The following SYN2 variants were observed in gnomAD, a reference collection of about 807,000 sequenced individuals.
The protein encoded by SYN2 is synapsin II.
Under a neutral mutation model 50.9 loss-of-function variants are expected in SYN2, and 19 were observed. That is an observed-to-expected ratio of 0.37 (90% CI 0.26 to 0.55). The LOEUF (loss-of-function observed/expected upper bound fraction) is 0.55. Among genes scored for constraint, SYN2 ranks in the 20% least tolerant of loss-of-function variants. The pLI, the probability that SYN2 is intolerant of heterozygous loss-of-function variation, is 0.81. For synonymous variants in SYN2, 255 were observed against 224.9 expected, an observed-to-expected ratio of 1.13 and a Z score of -1.20; for missense variants, 587 against 576.4, an observed-to-expected ratio of 1.02 and a Z score of -0.19.
rs148390234 is a variant in SYN2, at chr3:12,173,734, T to A, written c.1308+3828T>A. ...TTCGAGACCAGCCTGGCCAATATGG[T>A]GAAACCCCGTCTCTACTAAAAATAC... On this transcript the variant is annotated intron_variant, in intron 10 of 12. Transcript: ENST00000621198. 3.5e-3 allele frequency among the ~76,000 whole-genome samples: 535 copies of A among 152,030 alleles called. 3 individuals are homozygous for A. The highest frequency in any genetic ancestry group is 0.012 in the African/African-American group (501 of 41,466).
intron 1 of SYN2, among the ~76,000 whole-genome samples, chr3:12,125,339 G>T (rs1696647882): frequency 6.6e-6 from 1 of 152,166 alleles, no homozygotes; most frequent in Admixed American, 6.5e-5. Context: ...CCACAGTAAG[G>T]CATAATATAA....
intron 1 of SYN2, among the ~76,000 whole-genome samples, chr3:12,056,051 A>G (rs1168343255): frequency 6.6e-6 from 1 of 152,196 alleles, no homozygotes; most frequent in Non-Finnish European, 1.5e-5. Flanking sequence ...ACTATGGGAA[A>G]TTCTACATAT....
chr3:12,073,164 A>G (rs1156591635), intron 1 of SYN2, among the ~76,000 whole-genome samples: 1 of 152,152 alleles, frequency 6.6e-6, no homozygotes, highest in Non-Finnish European at 1.5e-5. Flanking sequence ...CCTTAGTTCT[A>G]CATGTTTTCA....
intron 7 of SYN2, among the ~76,000 whole-genome samples, chr3:12,165,983 C>G (rs1382040730): frequency 6.6e-6 from 1 of 152,144 alleles, no homozygotes; most frequent in Non-Finnish European, 1.5e-5. Context: ...GAGTCTTACT[C>G]TTATCTGTCA....
intron 1 of SYN2, among the ~76,000 whole-genome samples, chr3:12,081,100 CAAT>C (rs1695578528): frequency 6.6e-6 from 1 of 152,234 alleles, no homozygotes; most frequent in Non-Finnish European, 1.5e-5. Context: ...CAGTAAACAA[CAAT>C]GTTTAGTCAA....
chr3:12,160,589 A>G (rs888743376), intron 5 of SYN2, among the ~76,000 whole-genome samples: 1 of 152,210 alleles, frequency 6.6e-6, no homozygotes, highest in African/African-American at 2.4e-5. Flanking sequence ...TCTTCATACA[A>G]TGTTCAGACC....
intron 1 of SYN2, among the ~76,000 whole-genome samples, chr3:12,028,571 A>G (rs1166095203): frequency 6.8e-6 from 1 of 147,162 alleles, no homozygotes; most frequent in Non-Finnish European, 1.5e-5. Context: ...TGCCATTCTA[A>G]CTGGTGTGAG....
intron 1 of SYN2, among the ~76,000 whole-genome samples, chr3:12,140,296 A>G (rs898936235): frequency 6.6e-6 from 1 of 152,236 alleles, no homozygotes; most frequent in South Asian, 2.1e-4. Flanking sequence ...CGAAGGATCA[A>G]GGAAAATAAG....
chr3:12,124,977 A>G (rs1032836994), intron 1 of SYN2, among the ~76,000 whole-genome samples: 1 of 152,180 alleles, frequency 6.6e-6, no homozygotes, highest in Non-Finnish European at 1.5e-5. Flanking sequence ...ATGACAAATA[A>G]TGAAATTAAG....
rs1574962446 is a variant in SYN2, at chr3:12,140,705, A to G, written c.432A>G (p.Glu144=). ...TTGGAGATTATGATATCAAGGTGGAACAGGTAATCAGCCTGAAGCCCAGAG... is the reference window on the plus strand; with the variant it reads ...TTGGAGATTATGATATCAAGGTGGAGCAGGTAATCAGCCTGAAGCCCAGAG... ...KVLGDYDIKV[E]QAEFSELNLV... Residue 144 remains glutamate, a synonymous_variant, in exon 2 of 13, where the codon GAA becomes GAG. Coordinates refer to ENST00000621198, the MANE Select transcript of SYN2 (RefSeq NM_133625.6). 1 of 759,734 alleles carries G rather than the reference A, an allele frequency of 1.3e-6. No individual in the cohort carries two copies. The highest frequency in any genetic ancestry group is 1.7e-5 in the African/African-American group (1 of 58,914). 47.1% of individuals were successfully genotyped at this position (759,734 alleles called of 1,614,324 possible).
rs1266190684 is a variant in SYN2 at position 12,004,537 on chromosome 3, A to G, written c.-15A>G. ...AGACCCCGTAGCCCCGCGCGCCCCCAGCCCTTTAAGCCAGATGATGAACTT... is the reference window on the plus strand; with the variant it reads ...AGACCCCGTAGCCCCGCGCGCCCCCGGCCCTTTAAGCCAGATGATGAACTT... On this transcript the variant is annotated 5_prime_UTR_variant, in exon 1 of 13. Transcript: ENST00000621198. The G allele has an allele frequency of 1.6e-6, 1 of 619,412 alleles. No individual in the cohort carries two copies. Among genetic ancestry groups the G allele is most frequent in the Non-Finnish European group, 3.0e-6 (1 of 333,040 alleles). The allele number at this position is 619,412 out of a possible 1,614,324, so 38.4% of individuals were successfully genotyped here.
chr3:12,172,889 A>G (rs1344182905), intron 10 of SYN2, among the ~76,000 whole-genome samples: 2 of 152,230 alleles, frequency 1.3e-5, no homozygotes, highest in African/African-American at 2.4e-5. Context: ...TGATTAAGTT[A>G]ATATAGTAAA....
intron 11 of SYN2, chr3:12,183,714 A>T (rs1327336328): frequency 8.1e-7 from 1 of 1,228,600 alleles, no homozygotes; most frequent in Non-Finnish European, 1.0e-6. Flanking sequence ...GCCTCTCCCA[A>T]GTCCAGTGTG....
At chr3:12,079,549 A>G (rs964184647) in intron 1 of SYN2, among the ~76,000 whole-genome samples, 7 of 152,146 alleles carry the variant, frequency 4.6e-5, no homozygotes, top group Admixed American at 3.3e-4. Context: ...TTCTGCATCT[A>G]TTGAGATAAT....
At chr3:12,178,759 T>G (rs1698148707) in intron 10 of SYN2, among the ~76,000 whole-genome samples, 1 of 152,240 alleles carries the variant, frequency 6.6e-6, no homozygotes, top group African/African-American at 2.4e-5. Context: ...CCTAACACTT[T>G]ACAGTTTACA....
intron 1 of SYN2, among the ~76,000 whole-genome samples, chr3:12,085,167 G>T (rs307572): frequency 0.86 from 129,740 of 151,692 alleles, 55,504 homozygotes; most frequent in South Asian, 0.87. Flanking sequence ...AAGGACACAT[G>T]TAGACTCAAA....
intron 5 of SYN2, among the ~76,000 whole-genome samples, chr3:12,158,108 C>T (rs1697512064): frequency 6.6e-6 from 1 of 152,158 alleles, no homozygotes; most frequent in South Asian, 2.1e-4. Flanking sequence ...AACAGCACAG[C>T]ATAGTAGGAG....
intron 1 of SYN2, among the ~76,000 whole-genome samples, chr3:12,099,005 CAAG>C (rs1189223821): frequency 3.3e-5 from 5 of 151,730 alleles, no homozygotes; most frequent in Non-Finnish European, 7.4e-5. Flanking sequence ...ATCACTCTAT[CAAG>C]AAGATGTAAC....
chr3:12,174,760 A>T (rs6781687), intron 10 of SYN2, among the ~76,000 whole-genome samples: 2 of 152,078 alleles, frequency 1.3e-5, no homozygotes, highest in Non-Finnish European at 1.5e-5. Context: ...GATTACAGGC[A>T]TGAGCCACCG....
Sources: gnomAD v4.1 joint callset for allele counts (sites outside exome capture counted in the v4.1 genomes callset) on GRCh38, gnomAD v4.1.1 for gene constraint, MANE v1.5 for transcripts, NCBI Gene and HGNC (gene_info 2026-07-23, HGNC 2026-07-21) for gene names.